NISCH: variants seen among roughly 807,000 people sequenced by gnomAD.
NISCH encodes nischarin, also known as I-1 receptor candidate protein.
Under a neutral mutation model 138.4 loss-of-function variants are expected in NISCH, and 55 were observed. That is an observed-to-expected ratio of 0.40 (90% CI 0.32 to 0.50). The LOEUF (loss-of-function observed/expected upper bound fraction) is 0.50, where lower values mean the gene tolerates loss of function less well. Ranked by LOEUF, NISCH falls within the 20% of genes least tolerant of loss-of-function variation. The pLI, the probability that NISCH is intolerant of heterozygous loss-of-function variation, is 0.71. For missense variants in NISCH, 1,643 were observed against 2,005.5 expected, an observed-to-expected ratio of 0.82 and a Z score of 3.45; for synonymous variants, 860 against 861.5, an observed-to-expected ratio of 1.00 and a Z score of 0.03.
At position 52,481,135 on chromosome 3, in the gene NISCH, C is replaced by G. The variant is rs1392530104; in HGVS notation, c.1528+840C>G. ...GTAACCCCACTGGTGGGGATTTTCT[C>G]TTAGAGGGATAAGATACCGGGAAGG... On this transcript the variant is annotated intron_variant, in intron 13 of 20. Transcript: ENST00000345716. The G allele has an allele frequency of 3.2e-6, 4 of 1,262,558 alleles. No homozygotes were observed. In the East Asian group the frequency reaches 1.3e-4, roughly 40 times the overall value. 78.2% of individuals were successfully genotyped at this position (1,262,558 alleles called of 1,614,324 possible). A position where few individuals can be genotyped will look rare whatever the true frequency, so the allele number is the denominator to read the frequency against.
At position 52,488,304 on chromosome 3, in the gene NISCH, C is replaced by G. The variant is rs200010476; in HGVS notation, c.2812C>G (p.Arg938Gly). 6.2e-7 allele frequency: 1 copy of G among 1,611,310 alleles called. No homozygotes were observed. Among genetic ancestry groups the G allele is most frequent in the African/African-American group, 1.3e-5 (1 of 74,942 alleles). The change falls in exon 16 of 21, where the codon CGC becomes GGC. Residue 938 changes from arginine (R) to glycine (G), a missense_variant. Transcript: ENST00000345716. ...PNRGTHNCRN[R>G]NSFKLSRVPL... ...CCGTGGCACCCACAACTGTCGCAACCGCAACAGCTTCAAGCTCAGCCGTGT... is the reference window on the plus strand; with the variant it reads ...CCGTGGCACCCACAACTGTCGCAACGGCAACAGCTTCAAGCTCAGCCGTGT...
At chr3:52,484,462 T>TGGGCCCCCCCCCC in intron 13 of NISCH, 51 bp from the exon 14 acceptor site, 63 of 788,666 alleles carry the variant, frequency 8.0e-5, no homozygotes, top group Non-Finnish European at 1.0e-4. Flanking sequence ...ACAGCCGCTC[T>TGGGCCCCCCCCCC]CCCCGCCCCA....
rs1174399199 is a variant in NISCH, at chr3:52,487,466, G to A, written c.1974G>A (p.Gly658=). ...DVAENRYFEM[G]PPDVEEEEGG... ...CTGAGAACCGCTACTTTGAAATGGG[G>A]CCCCCAGACGTGGAGGAGGAGGAGG... The change falls in exon 16 of 21, where the codon GGG becomes GGA. Residue 658 remains glycine (G), a synonymous_variant. Coordinates refer to ENST00000345716, the MANE Select transcript of NISCH (RefSeq NM_007184.4). The surrounding 1 kb of genome is among the most constrained non-coding windows in gnomAD (Gnocchi z 9.1). The A allele has an allele frequency of 1.2e-6, 2 of 1,602,286 alleles. No homozygotes were observed. Among genetic ancestry groups the A allele is most frequent in the Non-Finnish European group, 8.5e-7 (1 of 1,171,802 alleles).
chr3:52,478,859 A>G (rs1023519006), intron 11 of NISCH, among the ~76,000 whole-genome samples: 4 of 152,178 alleles, frequency 2.6e-5, no homozygotes, highest in Non-Finnish European at 5.9e-5. Flanking sequence ...ACCTGTGGCC[A>G]TAGTGCCTGA....
At position 52,455,701 on chromosome 3, in the gene NISCH, C is replaced by T. The variant is rs1706444211; in HGVS notation, c.60C>T (p.Arg20=). 7.3e-7 allele frequency: 1 copy of T among 1,364,438 alleles called. No homozygotes were observed. Among genetic ancestry groups the T allele is most frequent in the Non-Finnish European group, 9.5e-7 (1 of 1,048,124 alleles). 84.5% of individuals were successfully genotyped at this position (1,364,438 alleles called of 1,614,324 possible). A position where few individuals can be genotyped will look rare whatever the true frequency, so the allele number is the denominator to read the frequency against. ...AAGCCGAGCCGGCCAAGGAAGCGCG[C>T]GTCGTGGGCTCGGAGCTTGTGGACA... is the stretch of plus-strand genomic sequence containing the variant. ...EREAEPAKEA[R]VVGSELVDTY... is the part of the protein sequence containing the mutation. The change falls in exon 1 of 21, where the codon CGC becomes CGT. Residue 20 remains arginine (R), a synonymous_variant. Coordinates refer to ENST00000345716, the MANE Select transcript of NISCH (RefSeq NM_007184.4).
At chr3:52,485,706 G>T (rs1707384227) in intron 14 of NISCH, 72 bp from the exon 15 acceptor site, 15 of 1,512,880 alleles carry the variant, frequency 9.9e-6, no homozygotes, top group Non-Finnish European at 1.3e-5. Context: ...CCCAGCTCAG[G>T]GTCTGGCAAC....
At chr3:52,488,644 G>T in intron 16 of NISCH, 39 bp downstream of exon 16, 6 of 1,488,334 alleles carry the variant, frequency 4.0e-6, no homozygotes, top group South Asian at 1.2e-5. Context: ...CCGGGGGCAT[G>T]GGTCTGGCAT....
intron 13 of NISCH, among the ~76,000 whole-genome samples, chr3:52,482,717 G>A (rs1377798613): frequency 1.3e-5 from 2 of 152,180 alleles, no homozygotes; most frequent in South Asian, 2.1e-4. Context: ...GACACCTTCC[G>A]CTAGGACCAA....
Position 52,487,514 on chromosome 3 carries a change from G to A in NISCH, c.2022G>A (p.Glu674=). ...EEEGGGQGEE[E]EEEEEDEEAE... is the part of the protein sequence containing the mutation. ...AGGGAGGAGGCCAGGGGGAGGAAGA[G>A]GAGGAGGAAGAGGAGGATGAAGAGG... The change falls in exon 16 of 21, where the codon GAG becomes GAA. Residue 674 remains glutamate, a synonymous_variant. Coordinates refer to ENST00000345716, the MANE Select transcript of NISCH (RefSeq NM_007184.4). The surrounding 1 kb of genome is among the most constrained non-coding windows in gnomAD (Gnocchi z 9.1). The A allele has an allele frequency of 6.3e-7, 1 of 1,598,688 alleles. No homozygotes were observed.
chr3:52,491,823 C>G lies in NISCH; in HGVS notation c.3905-49C>G, dbSNP rs373677455. 120 of 1,528,034 alleles carry G rather than the reference C, an allele frequency of 7.9e-5. No homozygotes were observed. In the African/African-American group the frequency reaches 1.5e-3, roughly 20 times the overall value. 94.7% of individuals were successfully genotyped at this position (1,528,034 alleles called of 1,614,324 possible). On this transcript the variant is annotated intron_variant, in intron 20 of 20. Transcript: ENST00000345716. ...CTTGGGGCCCTTGGTGCTCCCAGCC[C>G]CACCAGGGGCCGGTTCCAGGCTATA...
chr3:52,492,370 A>C lies in NISCH; in HGVS notation c.4403A>C (p.Gln1468Pro), dbSNP rs1307588283. ...PARASQGREV[Q>P]WQVFVPSAES... ...AGAGCCAGCCAGGGCCGTGAAGTCC[A>C]GTGGCAGGTGTTTGTCCCCAGTGCT... The change falls in exon 21 of 21, where the codon CAG becomes CCG. Residue 1468 changes from glutamine to proline, a missense_variant. Gln to Pro is a moderately conservative substitution (Grantham distance 76). Coordinates refer to ENST00000345716, the MANE Select transcript of NISCH (RefSeq NM_007184.4). 2 of 1,613,170 alleles carry C rather than the reference A, an allele frequency of 1.2e-6. No homozygotes were observed. The highest frequency in any genetic ancestry group is 1.7e-6 in the Non-Finnish European group (2 of 1,180,028).
At chr3:52,489,025 C>T (rs760865223) in intron 16 of NISCH, among the ~76,000 whole-genome samples, 2 of 152,206 alleles carry the variant, frequency 1.3e-5, no homozygotes, top group East Asian at 1.9e-4. Flanking sequence ...CACAGTCCCA[C>T]GGATGGCTCT....
In NISCH at chr3:52,479,876, G is replaced by T; in HGVS notation, c.1416+14G>T. ...CCAGAGAAGAAGGTGGGTTTGTGTGGCAGGTGGGAGGGCAGTGGTGCAGAG... is the reference window on the plus strand; with the variant it reads ...CCAGAGAAGAAGGTGGGTTTGTGTGTCAGGTGGGAGGGCAGTGGTGCAGAG... On this transcript the variant is annotated intron_variant, in intron 12 of 20. Transcript: ENST00000345716. 3 of 1,592,544 alleles carry T rather than the reference G, an allele frequency of 1.9e-6. No homozygotes were observed. The highest frequency in any genetic ancestry group is 2.6e-6 in the Non-Finnish European group (3 of 1,162,384).
chr3:52,484,680 T>G, intron 14 of NISCH, 43 bp downstream of exon 14: 1 of 1,610,206 alleles, frequency 6.2e-7, no homozygotes, highest in African/African-American at 1.3e-5. Flanking sequence ...CATCTGTGGG[T>G]GGACTCTTCT....
At chr3:52,481,416 C>G in intron 13 of NISCH, 7 of 986,216 alleles carry the variant, frequency 7.1e-6, no homozygotes, top group Non-Finnish European at 7.2e-6. Flanking sequence ...GGATGATTGC[C>G]CATTTTGCTT....
In NISCH at chr3:52,471,836, C is replaced by T. The variant is rs1480475448; in HGVS notation, c.432C>T (p.Gly144=). The T allele has an allele frequency of 2.0e-5, 33 of 1,613,944 alleles. No individual in the cohort carries two copies. The highest frequency in any genetic ancestry group is 1.7e-4 in the Middle Eastern group (1 of 6,060). The part of the protein sequence containing the change: ...FEKGEQLLGA[G]EVFAIGPLQL... ...CAGGAGAACAGCTCCTGGGGGCCGG[C>T]GAGGTCTTTGCCATTGGACCCCTGC... Residue 144 remains glycine, a synonymous_variant, in exon 5 of 21, where the codon GGC becomes GGT. Coordinates refer to ENST00000345716, the MANE Select transcript of NISCH (RefSeq NM_007184.4).
At position 52,480,180 on chromosome 3, in the gene NISCH, T is replaced by C. The variant is rs769544071; in HGVS notation, c.1417-4T>C. Reference sequence around the variant, plus strand: ...CCCGGGCTGACTCAAGCACTCGTCCTCAGGGTGGTGAAGACTCCCGGCTCT... The same window carrying C: ...CCCGGGCTGACTCAAGCACTCGTCCCCAGGGTGGTGAAGACTCCCGGCTCT... On this transcript the variant is annotated splice_region_variant and splice_polypyrimidine_tract_variant and intron_variant, in intron 12 of 20. Transcript: ENST00000345716. The C allele has an allele frequency of 1.2e-6, 2 of 1,613,692 alleles. No individual in the cohort carries two copies. Among genetic ancestry groups the C allele is most frequent in the African/African-American group, 2.7e-5 (2 of 74,918 alleles).
intron 13 of NISCH, among the ~76,000 whole-genome samples, chr3:52,482,216 C>T (rs1182200621): frequency 2.0e-5 from 3 of 152,178 alleles, no homozygotes; most frequent in Non-Finnish European, 4.4e-5. Flanking sequence ...TTTTTTAGCG[C>T]GTGGGAGCAG....
At chr3:52,485,055 G>A (rs887226662) in intron 14 of NISCH, among the ~76,000 whole-genome samples, 4 of 152,218 alleles carry the variant, frequency 2.6e-5, no homozygotes, top group South Asian at 2.1e-4. Flanking sequence ...GCCACTCGGC[G>A]CCTTTCCGCA....
Sources: gnomAD v4.1 joint callset for allele counts (sites outside exome capture counted in the v4.1 genomes callset) on GRCh38, gnomAD v4.1.1 for gene constraint, Gnocchi (gnomAD v3.1) non-coding constraint, MANE v1.5 for transcripts, NCBI Gene and HGNC (gene_info 2026-07-23, HGNC 2026-07-21) for gene names.